The following LIX1 variants were observed in gnomAD, a reference collection of about 807,000 sequenced individuals.
LIX1 encodes protein limb expression 1 homolog.
Under a neutral mutation model 33.4 loss-of-function variants are expected in LIX1, and 24 were observed. That is an observed-to-expected ratio of 0.72 (90% CI 0.52 to 1.01). The LOEUF (loss-of-function observed/expected upper bound fraction) is 1.01. LIX1 is among the 50% of genes least tolerant of loss of function. The probability of loss-of-function intolerance (pLI) is 0.00; values close to 1 mark genes in which losing one functional copy is unlikely to be tolerated. For synonymous variants in LIX1, 124 were observed against 124.0 expected (o/e 1.00, Z 0.00); for missense variants, 311 against 339.2 (o/e 0.92, Z 0.65).
intron 2 of LIX1, among the ~76,000 whole-genome samples, chr5:97,118,965 A>G (rs1747709124): frequency 1.3e-5 from 2 of 152,176 alleles, no homozygotes; most frequent in African/African-American, 2.4e-5. Flanking sequence ...TCTCTGCATA[A>G]AAACCAGTGG....
intron 2 of LIX1, 70 bp from the exon 3 acceptor site, chr5:97,107,570 G>T: frequency 1.3e-6 from 2 of 1,488,228 alleles, no homozygotes; most frequent in South Asian, 2.3e-5. Context: ...CTGCATCAAT[G>T]GGTCTCTGGA....
intron 2 of LIX1, among the ~76,000 whole-genome samples, chr5:97,119,048 A>C (rs1339961102): frequency 6.6e-6 from 1 of 152,210 alleles, no homozygotes; most frequent in Non-Finnish European, 1.5e-5. Context: ...CAGTCTGAAT[A>C]CTACTTTCCT....
intron 3 of LIX1, among the ~76,000 whole-genome samples, chr5:97,105,761 G>C (rs1746985972): frequency 6.6e-6 from 1 of 152,228 alleles, no homozygotes; most frequent in Admixed American, 6.5e-5. Context: ...TTAGCCTGGA[G>C]ACATGGATCA....
chr5:97,125,468 T>C (rs1222438118), intron 1 of LIX1, among the ~76,000 whole-genome samples: 2 of 152,236 alleles, frequency 1.3e-5, no homozygotes, highest in African/African-American at 4.8e-5. Context: ...TCCTGACAGC[T>C]GCTCATCTGG....
chr5:97,130,802 C>T (rs1274316069), intron 1 of LIX1, among the ~76,000 whole-genome samples: 4 of 152,176 alleles, frequency 2.6e-5, no homozygotes, highest in African/African-American at 9.7e-5. Flanking sequence ...AAGAAAGCAG[C>T]GTACCTCTGA....
chr5:97,104,638 T>C (rs1268635875), intron 4 of LIX1, among the ~76,000 whole-genome samples: 5 of 152,244 alleles, frequency 3.3e-5, no homozygotes, highest in African/African-American at 1.2e-4. Context: ...TAATATATTT[T>C]AGAAATAATA....
At chr5:97,121,142 G>A (rs1747774936) in intron 2 of LIX1, among the ~76,000 whole-genome samples, 1 of 152,054 alleles carries the variant, frequency 6.6e-6, no homozygotes, top group Non-Finnish European at 1.5e-5. Flanking sequence ...TTTCCCTAAA[G>A]CTACGTATAT....
chr5:97,138,943 C>G (rs970406741), intron 1 of LIX1, among the ~76,000 whole-genome samples: 8 of 152,122 alleles, frequency 5.3e-5, no homozygotes, highest in Non-Finnish European at 1.2e-4. Context: ...TGCAAATATT[C>G]TGAAATCCAA....
intron 1 of LIX1, among the ~76,000 whole-genome samples, chr5:97,141,931 T>A (rs545726033): frequency 5.3e-5 from 8 of 152,174 alleles, no homozygotes; most frequent in Non-Finnish European, 8.8e-5. Flanking sequence ...TGGTAGGGGG[T>A]CCACACAGGG....
intron 4 of LIX1, among the ~76,000 whole-genome samples, chr5:97,098,743 A>G (rs74326599): frequency 0.037 from 5,704 of 152,246 alleles, 145 homozygotes; most frequent in South Asian, 0.086. Context: ...AGCTGACTTC[A>G]ATTAACTGTC....
chr5:97,098,490 A>G (rs1746507676), intron 4 of LIX1, among the ~76,000 whole-genome samples: 1 of 152,194 alleles, frequency 6.6e-6, no homozygotes. Flanking sequence ...GCCTGTGGTT[A>G]TTGAAATTAT....
At position 97,105,301 on chromosome 5, in the gene LIX1, A is replaced by C. The variant is rs1232793984; in HGVS notation, c.388-16T>G. 1 of 1,602,384 alleles carries C rather than the reference A, an allele frequency of 6.2e-7. No individual in the cohort carries two copies. The highest frequency in any genetic ancestry group is 8.5e-7 in the Non-Finnish European group (1 of 1,170,064). On this transcript the variant is annotated splice_polypyrimidine_tract_variant and intron_variant, in intron 3 of 5. Coordinates refer to ENST00000274382, the MANE Select transcript of LIX1 (RefSeq NM_153234.5). ...CTAAGGTGCCCTTGGGAAAGAAAGCAGAAAAAGAAAAATTACTGATTTTTC... is the reference window on the plus strand; with the variant it reads ...CTAAGGTGCCCTTGGGAAAGAAAGCCGAAAAAGAAAAATTACTGATTTTTC...
At chr5:97,135,815 TC>T (rs1748160154) in intron 1 of LIX1, among the ~76,000 whole-genome samples, 1 of 151,932 alleles carries the variant, frequency 6.6e-6, no homozygotes, top group South Asian at 2.1e-4. Flanking sequence ...CGAGACTCTG[TC>T]TCAAAATTAA....
chr5:97,094,918 T>TTG lies in LIX1; in HGVS notation c.678_679insCA (p.Met227GlnfsTer4). 1 of 1,614,194 alleles carries TTG rather than the reference T, an allele frequency of 6.2e-7. No individual in the cohort carries two copies. Among genetic ancestry groups the TTG allele is most frequent in the South Asian group, 1.1e-5 (1 of 91,074 alleles). On this transcript the variant is annotated frameshift_variant, in exon 6 of 6. Transcript: ENST00000274382. LOFTEE classifies it high-confidence loss of function. ...GCTTCCTCCAACTGCCTCAGGGCCA[T>TTG]TCGTAGCTCTTGAGAGACAATTCCT... is the stretch of plus-strand genomic sequence containing the variant.
intron 1 of LIX1, among the ~76,000 whole-genome samples, chr5:97,127,846 C>G (rs1298229861): frequency 1.3e-5 from 2 of 152,220 alleles, no homozygotes; most frequent in Admixed American, 6.5e-5. Context: ...ATATCCATCC[C>G]TATGTCTAGG....
At chr5:97,129,700 C>A (rs1748012923) in intron 1 of LIX1, among the ~76,000 whole-genome samples, 2 of 152,196 alleles carry the variant, frequency 1.3e-5, no homozygotes, top group Admixed American at 1.3e-4. Context: ...TATTTTCATG[C>A]TGTCTATCTG....
At chr5:97,110,765 G>A (rs1215804705) in intron 2 of LIX1, among the ~76,000 whole-genome samples, 1 of 152,150 alleles carries the variant, frequency 6.6e-6, no homozygotes, top group African/African-American at 2.4e-5. Flanking sequence ...TTTCTATATA[G>A]CTGTTGAATG....
chr5:97,112,396 G>A (rs762831775), intron 2 of LIX1, among the ~76,000 whole-genome samples: 17 of 152,210 alleles, frequency 1.1e-4, no homozygotes, highest in African/African-American at 3.4e-4. Flanking sequence ...CAAAGACATC[G>A]GTTGGGGAGC....
chr5:97,108,927 G>C (rs1467251508), intron 2 of LIX1, among the ~76,000 whole-genome samples: 1 of 152,070 alleles, frequency 6.6e-6, no homozygotes, highest in Non-Finnish European at 1.5e-5. Context: ...ACAGAGCAAG[G>C]GTTCTGTGCC....
Sources: allele counts gnomAD v4.1 joint callset (sites outside exome capture counted in the v4.1 genomes callset), GRCh38; gene constraint gnomAD v4.1.1; transcripts MANE v1.5; gene names NCBI Gene and HGNC (gene_info 2026-07-23, HGNC 2026-07-21).